PKNOX2: variants seen among roughly 807,000 people sequenced by gnomAD.
The protein encoded by PKNOX2 is homeobox protein PKNOX2.
PKNOX2 carries 14 observed loss-of-function variants against 53.1 expected under a neutral mutation model. The ratio of observed to expected loss-of-function variants is 0.26; its 90% CI spans 0.17 to 0.41. The LOEUF (loss-of-function observed/expected upper bound fraction) is 0.41. Ranked by LOEUF, PKNOX2 falls within the 10% of genes least tolerant of loss-of-function variation. The probability of loss-of-function intolerance (pLI) is 1.00; values close to 1 mark genes in which losing one functional copy is unlikely to be tolerated. For synonymous variants in PKNOX2, 257 were observed against 242.8 expected, an observed-to-expected ratio of 1.06 and a Z score of -0.54; for missense variants, 496 against 602.8, an observed-to-expected ratio of 0.82 and a Z score of 1.85.
At chr11:125,239,652 T>C (rs1192762900) in intron 2 of PKNOX2, 1 of 152,210 alleles carries the variant, frequency 6.6e-6, no homozygotes, top group African/African-American at 2.4e-5. Context: ...CCGCAAGAAA[T>C]CAGGCAATGA....
chr11:125,378,343 A>AG (rs1591548548), intron 5 of PKNOX2, among the ~76,000 whole-genome samples: 1 of 152,326 alleles, frequency 6.6e-6, no homozygotes, highest in Non-Finnish European at 1.5e-5. Context: ...GACCCTGACC[A>AG]GGCCTCTGGT....
intron 3 of PKNOX2, among the ~76,000 whole-genome samples, chr11:125,335,360 G>T (rs773806971): frequency 1.3e-5 from 2 of 152,096 alleles, no homozygotes; most frequent in African/African-American, 4.8e-5. Flanking sequence ...TAATCCAACC[G>T]CATGACCTTT....
intron 6 of PKNOX2, among the ~76,000 whole-genome samples, chr11:125,388,389 C>A (rs1176314513): frequency 6.6e-6 from 1 of 152,094 alleles, no homozygotes; most frequent in Non-Finnish European, 1.5e-5. Flanking sequence ...ACTCTTTATC[C>A]GGACAGATAT....
intron 10 of PKNOX2, among the ~76,000 whole-genome samples, chr11:125,421,590 A>G (rs1469018445): frequency 6.6e-6 from 1 of 152,218 alleles, no homozygotes; most frequent in East Asian, 1.9e-4. Flanking sequence ...TAGAAATGCT[A>G]CCTATGATGA....
intron 2 of PKNOX2, among the ~76,000 whole-genome samples, chr11:125,299,223 C>A (rs12287268): frequency 6.6e-6 from 1 of 152,046 alleles, no homozygotes; most frequent in South Asian, 2.1e-4. Context: ...GGGAGAGCAC[C>A]AAGCCGTTCA....
intron 6 of PKNOX2, among the ~76,000 whole-genome samples, chr11:125,393,642 C>T (rs547380710): frequency 2.6e-4 from 39 of 152,172 alleles, no homozygotes; most frequent in African/African-American, 9.2e-4. Flanking sequence ...CAGCCCTCTC[C>T]GTGTGCACAT....
intron 7 of PKNOX2, among the ~76,000 whole-genome samples, chr11:125,398,664 G>A (rs1322886660): frequency 6.6e-6 from 1 of 152,052 alleles, no homozygotes; most frequent in Admixed American, 6.5e-5. Context: ...CTGAGACCTG[G>A]GAAATGCAGA....
chr11:125,296,604 C>G (rs1184296658), intron 2 of PKNOX2, among the ~76,000 whole-genome samples: 1 of 152,168 alleles, frequency 6.6e-6, no homozygotes, highest in Admixed American at 6.5e-5. Context: ...CGTCTCATCT[C>G]CATCCAGCAT....
At chr11:125,238,491 A>G (rs1942910101) in intron 2 of PKNOX2, among the ~76,000 whole-genome samples, 1 of 152,240 alleles carries the variant, frequency 6.6e-6, no homozygotes, top group Admixed American at 6.5e-5. Context: ...TACCCTAGGA[A>G]GTAACAGAAT....
chr11:125,346,066 G>T (rs115473031), intron 3 of PKNOX2, among the ~76,000 whole-genome samples: 1,902 of 151,774 alleles, frequency 0.013, 57 homozygotes, highest in African/African-American at 0.043. Flanking sequence ...AGCCAGCCAG[G>T]TTACTAATGC....
At chr11:125,415,558 G>A (rs143319513) in intron 10 of PKNOX2, among the ~76,000 whole-genome samples, 4 of 152,136 alleles carry the variant, frequency 2.6e-5, no homozygotes, top group Non-Finnish European at 4.4e-5. Flanking sequence ...TGGTGAATTT[G>A]CAAGAGGGGT....
intron 2 of PKNOX2, among the ~76,000 whole-genome samples, chr11:125,236,026 A>G (rs1159901660): frequency 6.6e-6 from 1 of 152,242 alleles, no homozygotes; most frequent in Non-Finnish European, 1.5e-5. Context: ...CGACTTTGAT[A>G]GTACGTTGGC....
chr11:125,416,718 T>G (rs967920566), intron 10 of PKNOX2, among the ~76,000 whole-genome samples: 2 of 152,078 alleles, frequency 1.3e-5, no homozygotes, highest in Non-Finnish European at 2.9e-5. Context: ...TTCTAATGAT[T>G]TACAGAAGAA....
intron 2 of PKNOX2, among the ~76,000 whole-genome samples, chr11:125,268,897 C>T (rs1383190520): frequency 2.7e-5 from 4 of 147,706 alleles, no homozygotes; most frequent in African/African-American, 1.0e-4. Flanking sequence ...CTGGCGCCAG[C>T]AGCCCGACAG....
intron 1 of PKNOX2, among the ~76,000 whole-genome samples, chr11:125,182,307 G>T (rs1208997916): frequency 6.6e-6 from 1 of 152,188 alleles, no homozygotes; most frequent in Non-Finnish European, 1.5e-5. Context: ...GAAGGCTCAT[G>T]CACCCACTAA....
intron 2 of PKNOX2, among the ~76,000 whole-genome samples, chr11:125,299,272 A>G (rs12274059): frequency 0.22 from 33,078 of 152,018 alleles, 4,438 homozygotes; most frequent in African/African-American, 0.37. Context: ...CCTCCCGCCC[A>G]GCCCCACCTC....
intron 3 of PKNOX2, among the ~76,000 whole-genome samples, chr11:125,344,114 C>G (rs908687158): frequency 3.3e-5 from 5 of 152,160 alleles, no homozygotes; most frequent in Admixed American, 2.0e-4. Flanking sequence ...TAATCCTCCC[C>G]ATAGTGAACC....
chr11:125,388,338 G>T (rs1199281381), intron 6 of PKNOX2, among the ~76,000 whole-genome samples: 1 of 152,162 alleles, frequency 6.6e-6, no homozygotes, highest in East Asian at 1.9e-4. Flanking sequence ...TTTGGCATCT[G>T]TATTTTTTAC....
At position 125,429,958 on chromosome 11, in the gene PKNOX2, G is replaced by A; in HGVS notation, c.1014-5G>A. ...TAACCAGGTCTCCACTTTACCTCTG[G>A]GCAGGTTCATCAATGCCCGGAGGCG... On this transcript the variant is annotated splice_polypyrimidine_tract_variant and splice_region_variant and intron_variant, in intron 11 of 12. Coordinates refer to ENST00000298282, the MANE Select transcript of PKNOX2 (RefSeq NM_001382323.2). The A allele has an allele frequency of 6.2e-7, 1 of 1,613,494 alleles. No homozygotes were observed. Among genetic ancestry groups the A allele is most frequent in the Non-Finnish European group, 8.5e-7 (1 of 1,179,674 alleles).
Sources: gnomAD v4.1 joint callset for allele counts (sites outside exome capture counted in the v4.1 genomes callset) on GRCh38, gnomAD v4.1.1 for gene constraint, MANE v1.5 for transcripts, NCBI Gene and HGNC (gene_info 2026-07-23, HGNC 2026-07-21) for gene names.